PXDN: variants seen among roughly 807,000 people sequenced by gnomAD.
PXDN encodes peroxidasin.
PXDN carries 77 observed loss-of-function variants against 140.3 expected under a neutral mutation model. That is an observed-to-expected ratio of 0.55 (90% CI 0.46 to 0.66). The LOEUF (loss-of-function observed/expected upper bound fraction) is 0.66, where lower values mean the gene tolerates loss of function less well. Ranked by LOEUF, PXDN falls within the 30% of genes least tolerant of loss-of-function variation. PXDN has a pLI of 0.00. For missense variants in PXDN, 1,838 were observed against 2,039.5 expected (o/e 0.90, Z 1.90); for synonymous variants, 911 against 857.4 (o/e 1.06, Z -1.09).
intron 1 of PXDN, among the ~76,000 whole-genome samples, chr2:1,709,074 C>T (rs1182343512): frequency 6.6e-6 from 1 of 152,170 alleles, no homozygotes; most frequent in Non-Finnish European, 1.5e-5. Context: ...AGCCAGGCTC[C>T]GTCTGGTCCC....
intron 1 of PXDN, among the ~76,000 whole-genome samples, chr2:1,724,551 T>G (rs745799666): frequency 6.6e-6 from 1 of 152,128 alleles, no homozygotes; most frequent in East Asian, 1.9e-4. Context: ...TTGATCATCA[T>G]GGTGGTTTTG....
intron 6 of PXDN, 113 bp downstream of exon 6, chr2:1,683,543 C>CTTCTCTG: frequency 2.2e-6 from 2 of 930,040 alleles, no homozygotes; most frequent in South Asian, 1.9e-5. Context: ...CTCATTCTTT[C>CTTCTCTG]AGAATCAGAT....
chr2:1,648,112 A>G lies in PXDN; in HGVS notation c.3608+60T>C. On this transcript the variant is annotated intron_variant, in intron 17 of 22. Transcript: ENST00000252804. This position sits in a 1 kb window ranked among gnomAD's most constrained non-coding sequence, Gnocchi z 8.9. Reference sequence around the variant, plus strand: ...CAGAGACAAATAACACACACACCACAGTTCAGGTGTTCCAGGTGCCTAGGT... The same window carrying G: ...CAGAGACAAATAACACACACACCACGGTTCAGGTGTTCCAGGTGCCTAGGT... The G allele has an allele frequency of 3.2e-6, 5 of 1,554,224 alleles. No homozygotes were observed. Among genetic ancestry groups the G allele is most frequent in the South Asian group, 1.2e-5 (1 of 82,754 alleles).
At chr2:1,703,033 G>A (rs1276650894) in intron 1 of PXDN, among the ~76,000 whole-genome samples, 2 of 59,224 alleles carry the variant, frequency 3.4e-5, no homozygotes, top group Admixed American at 1.7e-4. Context: ...CCAGGTGAAG[G>A]GGGGGCAGCT....
intron 14 of PXDN, among the ~76,000 whole-genome samples, chr2:1,657,738 A>G (rs1683179628): frequency 9.1e-6 from 1 of 109,978 alleles, no homozygotes; most frequent in South Asian, 3.5e-4. Flanking sequence ...CCTGACAGGG[A>G]CGGGCCCCCT....
chr2:1,722,233 C>A (rs193198197), intron 1 of PXDN, among the ~76,000 whole-genome samples: 1 of 152,158 alleles, frequency 6.6e-6, no homozygotes, highest in Non-Finnish European at 1.5e-5. Context: ...AAGCTCTCCA[C>A]GTGGACGTCT....
rs1215436188 is a variant in PXDN, at chr2:1,651,479, T to A, written c.2105-1804A>T. Among the ~76,000 whole-genome samples, 1 of 152,204 alleles carries A rather than the reference T, an allele frequency of 6.6e-6. No homozygotes were observed. The highest frequency in any genetic ancestry group is 1.5e-5 in the Non-Finnish European group (1 of 68,032). Reference sequence around the variant, plus strand: ...CATGTTGCTTCTCTGCAGGAAACCCTAAGGTTCCCATTTCATACACAGCCA... The same window carrying A: ...CATGTTGCTTCTCTGCAGGAAACCCAAAGGTTCCCATTTCATACACAGCCA... On this transcript the variant is annotated intron_variant, in intron 16 of 22. Transcript: ENST00000252804. This position sits in a 1 kb window ranked among gnomAD's most constrained non-coding sequence, Gnocchi z 4.4.
chr2:1,705,906 G>T (rs1040850434), intron 1 of PXDN, among the ~76,000 whole-genome samples: 2 of 152,120 alleles, frequency 1.3e-5, no homozygotes, highest in Non-Finnish European at 2.9e-5. Context: ...AGTTTCCCGC[G>T]TGGAGTGTGG....
Position 1,639,370 on chromosome 2 carries a change from T to C in PXDN, c.4005A>G (p.Arg1335=). 1 of 1,614,032 alleles carries C rather than the reference T, an allele frequency of 6.2e-7. No homozygotes were observed. Among genetic ancestry groups the C allele is most frequent in the East Asian group, 2.2e-5 (1 of 44,888 alleles). Residue 1335 remains arginine (R), a synonymous_variant, in exon 20 of 23, where the codon AGA becomes AGG. Transcript: ENST00000252804. This position sits in a 1 kb window ranked among gnomAD's most constrained non-coding sequence, Gnocchi z 5.0. ...FNAFSYHFRG[R]RSLEFSYQED... ...CCTGGTAGCTGAACTCAAGAGACCG[T>C]CTGCCTCGGAAATGATAGGAAAAGG...
chr2:1,703,480 G>GGGGGGGCAGCTCCAGGTGAA (rs1684498557), intron 1 of PXDN, among the ~76,000 whole-genome samples: 1 of 38,070 alleles, frequency 2.6e-5, no homozygotes, highest in African/African-American at 1.2e-4. Flanking sequence ...TCCAGGTGAA[G>GGGGGGGCAGCTCCAGGTGAA]GGGGGGCAAC....
intron 14 of PXDN, among the ~76,000 whole-genome samples, chr2:1,658,008 C>T (rs1251602607): frequency 3.4e-5 from 5 of 146,640 alleles, no homozygotes; most frequent in Non-Finnish European, 7.5e-5. Context: ...TCCTCCTGAG[C>T]ACTCCATTTC....
intron 1 of PXDN, among the ~76,000 whole-genome samples, chr2:1,696,255 A>G (rs1392400435): frequency 6.6e-6 from 1 of 152,244 alleles, no homozygotes; most frequent in Non-Finnish European, 1.5e-5. Context: ...GTTAAATGAC[A>G]TAAGTAGTTC....
Position 1,687,515 on chromosome 2 carries a change from C to T in PXDN, c.416+117G>A. The stretch of plus-strand genomic sequence containing the variant: ...CGTCATCATGCACGTACTCCCCGCA[C>T]CTCAGGTAGCATAGTCATGCATCAT... On this transcript the variant is annotated intron_variant, in intron 4 of 22. Coordinates refer to ENST00000252804, the MANE Select transcript of PXDN (RefSeq NM_012293.3). This position sits in a 1 kb window ranked among gnomAD's most constrained non-coding sequence, Gnocchi z 4.0. 1 of 704,372 alleles carries T rather than the reference C, an allele frequency of 1.4e-6. No individual in the cohort carries two copies. Among genetic ancestry groups the T allele is most frequent in the Non-Finnish European group, 2.2e-6 (1 of 463,816 alleles). 43.6% of individuals were successfully genotyped at this position (704,372 alleles called of 1,614,324 possible).
intron 14 of PXDN, among the ~76,000 whole-genome samples, chr2:1,658,873 G>A (rs1237907316): frequency 2.7e-5 from 4 of 150,736 alleles, no homozygotes; most frequent in African/African-American, 7.3e-5. Context: ...TCAATACGCA[G>A]GCGAGTGCTG....
chr2:1,643,451 C>T lies in PXDN; in HGVS notation c.3869G>A (p.Arg1290Lys). ...NITRVQSDVF[R>K]VAEFPHGYGS... ...GTAGCCGTGAGGGAACTCCGCCACC[C>T]TGAACACGTCGCTCTGCACCCGGGT... The change falls in exon 19 of 23, where the codon AGG (arginine) becomes AAG (lysine). Residue 1290 changes from arginine to lysine, a missense_variant. Coordinates refer to ENST00000252804, the MANE Select transcript of PXDN (RefSeq NM_012293.3). 1 of 1,613,994 alleles carries T rather than the reference C, an allele frequency of 6.2e-7. No individual in the cohort carries two copies. Among genetic ancestry groups the T allele is most frequent in the Non-Finnish European group, 8.5e-7 (1 of 1,179,900 alleles).
chr2:1,735,111 C>T (rs1445023160), intron 1 of PXDN, among the ~76,000 whole-genome samples: 5 of 152,198 alleles, frequency 3.3e-5, no homozygotes, highest in Non-Finnish European at 5.9e-5. Context: ...GCAATTCTCT[C>T]ATATCTTCAG....
chr2:1,670,507 C>CT (rs1683548830), intron 9 of PXDN, among the ~76,000 whole-genome samples: 2 of 152,108 alleles, frequency 1.3e-5, no homozygotes, highest in South Asian at 4.2e-4. Context: ...GACTTTCTAC[C>CT]TTTTTTATAT....
chr2:1,715,803 T>C (rs58839646), intron 1 of PXDN, among the ~76,000 whole-genome samples: 52,133 of 152,022 alleles, frequency 0.34, 9,922 homozygotes, highest in East Asian at 0.91. Context: ...GCAGGATGAA[T>C]ATCTTCCATA....
Position 1,648,240 on chromosome 2 carries a change from C to T in PXDN, c.3540G>A (p.Ser1180=), listed in dbSNP as rs781453855. Residue 1180 remains serine (S), a synonymous_variant, in exon 17 of 23, where the codon TCG becomes TCA. Coordinates refer to ENST00000252804, the MANE Select transcript of PXDN (RefSeq NM_012293.3). This position sits in a 1 kb window ranked among gnomAD's most constrained non-coding sequence, Gnocchi z 8.9. ...YHDYRVYCNL[S]AAHTFEDLKN... ...TCAGGTCCTCGAACGTGTGTGCCGCCGATAGATTGCAGTAGACCCTGTAGT... is the reference window on the plus strand; with the variant it reads ...TCAGGTCCTCGAACGTGTGTGCCGCTGATAGATTGCAGTAGACCCTGTAGT... 7 of 1,613,950 alleles carry T rather than the reference C, an allele frequency of 4.3e-6. No individual in the cohort carries two copies. Among genetic ancestry groups the T allele is most frequent in the East Asian group, 2.2e-5 (1 of 44,864 alleles).
Sources: gnomAD v4.1 joint callset for allele counts (sites outside exome capture counted in the v4.1 genomes callset) on GRCh38, gnomAD v4.1.1 for gene constraint, Gnocchi (gnomAD v3.1) non-coding constraint, MANE v1.5 for transcripts, NCBI Gene and HGNC (gene_info 2026-07-23, HGNC 2026-07-21) for gene names.